Variants in CCDC102B observed in about 807,000 individuals in gnomAD.
The protein encoded by CCDC102B is coiled-coil domain containing 102B.
Under a neutral mutation model 57.4 loss-of-function variants are expected in CCDC102B, and 75 were observed. That is an observed-to-expected ratio of 1.31 (90% CI 1.08 to 1.58). The LOEUF (loss-of-function observed/expected upper bound fraction) is 1.58. Ranked by LOEUF, CCDC102B falls within the 40% of genes most tolerant of loss-of-function variation. The probability of loss-of-function intolerance (pLI) is 0.00; values close to 1 mark genes in which losing one functional copy is unlikely to be tolerated. For missense variants in CCDC102B, 636 were observed against 582.6 expected (o/e 1.09, Z -0.94); for synonymous variants, 206 against 201.9 (o/e 1.02, Z -0.17).
chr18:69,057,710 T>C (rs1468123039), downstream of CCDC102B, among the ~76,000 whole-genome samples: 1 of 152,028 alleles, frequency 6.6e-6, no homozygotes, highest in Non-Finnish European at 1.5e-5. Context: ...TTGGCATCCA[T>C]TATTGCAAAC....
upstream of CCDC102B, among the ~76,000 whole-genome samples, chr18:68,795,650 T>G (rs369975891): frequency 6.6e-6 from 1 of 152,162 alleles, no homozygotes; most frequent in African/African-American, 2.4e-5. Flanking sequence ...AATTTCCCTC[T>G]TCTTATGAGG....
At chr18:68,847,633 G>A (rs1361780694) in intron 4 of CCDC102B, among the ~76,000 whole-genome samples, 1 of 151,812 alleles carries the variant, frequency 6.6e-6, no homozygotes, top group African/African-American at 2.4e-5. Context: ...AGCAAAGTAA[G>A]TGAGAGAAAA....
chr18:68,793,823 T>C (rs549584102), upstream of CCDC102B, among the ~76,000 whole-genome samples: 38 of 152,286 alleles, frequency 2.5e-4, no homozygotes, highest in African/African-American at 8.9e-4. Context: ...GGTACATAAA[T>C]CCACCAGTAT....
intron 7 of CCDC102B, among the ~76,000 whole-genome samples, chr18:69,049,873 A>C (rs2052660532): frequency 1.3e-5 from 2 of 151,686 alleles, no homozygotes; most frequent in Non-Finnish European, 2.9e-5. Flanking sequence ...GCAGTGGCTC[A>C]ATCTCGGCTC....
At chr18:69,003,859 G>A (rs2051270909) in intron 6 of CCDC102B, among the ~76,000 whole-genome samples, 1 of 152,032 alleles carries the variant, frequency 6.6e-6, no homozygotes, top group Non-Finnish European at 1.5e-5. Context: ...TAACTGACTA[G>A]ATAAAACATT....
intron 1 of CCDC102B, among the ~76,000 whole-genome samples, chr18:68,811,905 A>C (rs1280691782): frequency 6.6e-6 from 1 of 152,200 alleles, no homozygotes; most frequent in African/African-American, 2.4e-5. Flanking sequence ...GGTAGGATTT[A>C]ATATGCTGAG....
At chr18:69,011,587 G>T (rs1347488477) in intron 7 of CCDC102B, among the ~76,000 whole-genome samples, 2 of 151,830 alleles carry the variant, frequency 1.3e-5, no homozygotes, top group Non-Finnish European at 2.9e-5. Context: ...GAAATTCCTG[G>T]AAGATAGATA....
At position 69,021,226 on chromosome 18, in the gene CCDC102B, C is replaced by T. The variant is rs147486742; in HGVS notation, c.1434+10122C>T. ...TCTTTATTTAGAAGGACACAGCATC[C>T]TTTTCTAGCACTAAATCTATTTCTG... On this transcript the variant is annotated intron_variant, in intron 7 of 7. Transcript: ENST00000360242. Among the ~76,000 whole-genome samples the T allele has an allele frequency of 4.1e-3, 630 of 152,308 alleles. 8 individuals are homozygous for T. The highest frequency in any genetic ancestry group is 0.026 in the South Asian group (126 of 4,828).
At chr18:68,850,538 T>G (rs2038076008) in intron 4 of CCDC102B, among the ~76,000 whole-genome samples, 1 of 151,990 alleles carries the variant, frequency 6.6e-6, no homozygotes. Context: ...CAATTCCCTC[T>G]TCCTTCTAGG....
intron 2 of CCDC102B, chr18:68,721,601 G>A (rs1386387397): frequency 1.3e-5 from 2 of 152,162 alleles, no homozygotes; most frequent in Non-Finnish European, 2.9e-5. Context: ...TTTAGAAATA[G>A]AAAGGGAAGA....
At chr18:68,886,983 A>G (rs1425963537) in intron 5 of CCDC102B, among the ~76,000 whole-genome samples, 2 of 152,136 alleles carry the variant, frequency 1.3e-5, no homozygotes, top group Non-Finnish European at 2.9e-5. Context: ...CAATCCCATA[A>G]TCCTGACCAC....
intron 7 of CCDC102B, among the ~76,000 whole-genome samples, chr18:69,045,012 CTTG>C (rs1285149822): frequency 6.6e-6 from 1 of 152,020 alleles, no homozygotes; most frequent in Non-Finnish European, 1.5e-5. Flanking sequence ...ATCACCTTTT[CTTG>C]TTGTGTGTGC....
At chr18:68,925,218 G>A (rs957029150) in intron 6 of CCDC102B, among the ~76,000 whole-genome samples, 5 of 151,976 alleles carry the variant, frequency 3.3e-5, no homozygotes, top group African/African-American at 9.7e-5. Context: ...TTCTTCGTTA[G>A]TTCTCAAACC....
At chr18:68,758,317 G>A (rs764608283) in intron 2 of CCDC102B, among the ~76,000 whole-genome samples, 2 of 151,336 alleles carry the variant, frequency 1.3e-5, no homozygotes, top group Admixed American at 6.6e-5. Context: ...AATTTGGTTT[G>A]GTGTCTATAC....
At chr18:68,863,780 T>A (rs2038859633) in intron 4 of CCDC102B, among the ~76,000 whole-genome samples, 1 of 151,954 alleles carries the variant, frequency 6.6e-6, no homozygotes. Context: ...TGTGTTTCAA[T>A]CTATTACTCT....
chr18:68,844,880 A>G (rs1044080819), intron 3 of CCDC102B, among the ~76,000 whole-genome samples: 3 of 151,906 alleles, frequency 2.0e-5, no homozygotes, highest in Admixed American at 1.3e-4. Flanking sequence ...AATCTGGATT[A>G]TAAACATTCA....
At chr18:68,905,561 G>C (rs1427260677) in intron 6 of CCDC102B, among the ~76,000 whole-genome samples, 1 of 122,740 alleles carries the variant, frequency 8.1e-6, no homozygotes, top group Non-Finnish European at 1.7e-5. Flanking sequence ...GTGGTATTTA[G>C]TAGATTCACA....
In CCDC102B at chr18:68,874,683, T is replaced by G; in HGVS notation, c.951T>G (p.Leu317=). ...PKNVKEFDIL[L]GQHNDEMQEL... Reference sequence around the variant, plus strand: ...TTCTTTTTCAGTTTGACATTCTTCTTGGTCAACATAATGATGAAATGCAAG... The same window carrying G: ...TTCTTTTTCAGTTTGACATTCTTCTGGGTCAACATAATGATGAAATGCAAG... The change falls in exon 5 of 8, where the codon CTT becomes CTG. Residue 317 remains leucine, a synonymous_variant. Transcript: ENST00000360242. 5 of 1,607,624 alleles carry G rather than the reference T, an allele frequency of 3.1e-6. No individual in the cohort carries two copies. The highest frequency in any genetic ancestry group is 4.3e-6 in the Non-Finnish European group (5 of 1,174,806).
intron 6 of CCDC102B, among the ~76,000 whole-genome samples, chr18:68,910,313 T>C (rs1396305687): frequency 6.6e-6 from 1 of 152,010 alleles, no homozygotes; most frequent in Non-Finnish European, 1.5e-5. Flanking sequence ...AGATGGGGAA[T>C]TGGATAGATC....
Sources: gnomAD v4.1 joint callset for allele counts (sites outside exome capture counted in the v4.1 genomes callset) on GRCh38, gnomAD v4.1.1 for gene constraint, MANE v1.5 for transcripts, NCBI Gene and HGNC (gene_info 2026-07-23, HGNC 2026-07-21) for gene names.